PLCB1: variants seen among roughly 807,000 people sequenced by gnomAD.
PLCB1 encodes phospholipase C beta 1.
In PLCB1, 46 loss-of-function variants were observed where a neutral mutation model predicts 161.8. That is an observed-to-expected ratio of 0.28 (90% confidence interval 0.22 to 0.36). PLCB1 has a LOEUF of 0.36. PLCB1 is among the 10% of genes least tolerant of loss of function. PLCB1 has a pLI of 1.00. For missense variants in PLCB1, 1,016 were observed against 1,472.5 expected (o/e 0.69, Z 5.07); for synonymous variants, 517 against 503.7 (o/e 1.03, Z -0.35).
At chr20:8,573,673 T>C (rs1986593200) in intron 3 of PLCB1, among the ~76,000 whole-genome samples, 1 of 152,212 alleles carries the variant, frequency 6.6e-6, no homozygotes. Context: ...CTAAATGACT[T>C]TGGCTTTCAC....
intron 3 of PLCB1, among the ~76,000 whole-genome samples, chr20:8,627,920 A>G (rs1170040140): frequency 6.6e-6 from 1 of 152,168 alleles, no homozygotes; most frequent in Non-Finnish European, 1.5e-5. Context: ...TTTCAGAATA[A>G]CCACCTTCTT....
chr20:8,304,583 C>A (rs1346514543), intron 2 of PLCB1, among the ~76,000 whole-genome samples: 1 of 151,764 alleles, frequency 6.6e-6, no homozygotes, highest in Non-Finnish European at 1.5e-5. Flanking sequence ...CCCTGAGGGG[C>A]CTCTTCTGTG....
intron 3 of PLCB1, among the ~76,000 whole-genome samples, chr20:8,423,830 A>T (rs921449650): frequency 6.6e-6 from 1 of 152,204 alleles, no homozygotes; most frequent in Non-Finnish European, 1.5e-5. Flanking sequence ...TTCAAATTTC[A>T]TGAGGCAGGG....
chr20:8,718,667 A>G (rs1979466281), intron 14 of PLCB1, among the ~76,000 whole-genome samples: 2 of 152,212 alleles, frequency 1.3e-5, no homozygotes. Flanking sequence ...TCCCATGTCA[A>G]GGTCTTTAAC....
In PLCB1 at chr20:8,737,212, T is replaced by C; in HGVS notation, c.2208+20T>C. On this transcript the variant is annotated intron_variant, in intron 20 of 31. Coordinates refer to ENST00000338037, the MANE Select transcript of PLCB1 (RefSeq NM_015192.4). ...AAAAAGGTTGGTCACATGTTCTTGA[T>C]ATGAGTTATAACTGCATTTTTCAGG... The C allele has an allele frequency of 1.3e-6, 2 of 1,598,342 alleles. No homozygotes were observed. Among genetic ancestry groups the C allele is most frequent in the Non-Finnish European group, 8.6e-7 (1 of 1,166,426 alleles).
At chr20:8,713,680 GTAACCACCATGGTTTAT>G (rs1254376777) in intron 12 of PLCB1, among the ~76,000 whole-genome samples, 1 of 152,166 alleles carries the variant, frequency 6.6e-6, no homozygotes, top group Non-Finnish European at 1.5e-5. Flanking sequence ...GAGCTAAGCT[GTAACCACCATGGTTTAT>G]TAACCACCTG....
chr20:8,521,746 A>C (rs1048056535), intron 3 of PLCB1, among the ~76,000 whole-genome samples: 7 of 152,228 alleles, frequency 4.6e-5, no homozygotes, highest in African/African-American at 1.7e-4. Flanking sequence ...TGCTAGTTCA[A>C]ATACATTGGT....
At chr20:8,512,955 C>T (rs1983954621) in intron 3 of PLCB1, among the ~76,000 whole-genome samples, 1 of 152,156 alleles carries the variant, frequency 6.6e-6, no homozygotes, top group Admixed American at 6.5e-5. Flanking sequence ...ACCTCCCACC[C>T]TCTCCCAACG....
chr20:8,541,452 G>A (rs1985311349), intron 3 of PLCB1, among the ~76,000 whole-genome samples: 1 of 152,136 alleles, frequency 6.6e-6, no homozygotes, highest in African/African-American at 2.4e-5. Flanking sequence ...GCACATGGAA[G>A]TTCTCTGTGT....
At chr20:8,142,290 G>A (rs1454508521) in intron 1 of PLCB1, among the ~76,000 whole-genome samples, 3 of 152,084 alleles carry the variant, frequency 2.0e-5, no homozygotes, top group African/African-American at 7.2e-5. Flanking sequence ...TGACCTTTGA[G>A]GTGTTGTGTT....
intron 24 of PLCB1, among the ~76,000 whole-genome samples, chr20:8,757,739 G>A (rs1453428207): frequency 6.6e-6 from 1 of 151,988 alleles, no homozygotes; most frequent in Non-Finnish European, 1.5e-5. Context: ...CTTATTGAAG[G>A]CCACAGTGCC....
chr20:8,446,709 A>C (rs1030540212), intron 3 of PLCB1, among the ~76,000 whole-genome samples: 5 of 152,210 alleles, frequency 3.3e-5, no homozygotes, highest in African/African-American at 1.2e-4. Context: ...AGGAACACAT[A>C]GGAAAAATCA....
At chr20:8,315,787 G>C (rs1260965305) in intron 2 of PLCB1, among the ~76,000 whole-genome samples, 1 of 152,162 alleles carries the variant, frequency 6.6e-6, no homozygotes, top group African/African-American at 2.4e-5. Flanking sequence ...AAAGAAGCCT[G>C]AGTGTTTGCC....
At chr20:8,721,685 A>G (rs538726396) in intron 14 of PLCB1, among the ~76,000 whole-genome samples, 1 of 152,196 alleles carries the variant, frequency 6.6e-6, no homozygotes, top group Non-Finnish European at 1.5e-5. Flanking sequence ...TACGATATGC[A>G]CTTCGTTGTG....
chr20:8,360,382 G>T (rs1986496891), intron 2 of PLCB1, among the ~76,000 whole-genome samples: 1 of 152,190 alleles, frequency 6.6e-6, no homozygotes, highest in Non-Finnish European at 1.5e-5. Flanking sequence ...AGAGGTTCCT[G>T]CAGGAGCTTT....
chr20:8,287,746 C>T (rs1041546701), intron 2 of PLCB1, among the ~76,000 whole-genome samples: 8 of 152,274 alleles, frequency 5.3e-5, no homozygotes, highest in Middle Eastern at 3.4e-3. Context: ...ATGGCATTTA[C>T]ATGTGACAAT....
At position 8,150,436 on chromosome 20, in the gene PLCB1, T is replaced by G. The variant is rs1271535033; in HGVS notation, c.177+65T>G. Reference sequence around the variant, plus strand: ...TTTACTACTTTGAAAAGTATTTATGTATCTTATCTATAGAAGAACATCCAT... The same window carrying G: ...TTTACTACTTTGAAAAGTATTTATGGATCTTATCTATAGAAGAACATCCAT... On this transcript the variant is annotated intron_variant, in intron 2 of 31. Coordinates refer to ENST00000338037, the MANE Select transcript of PLCB1 (RefSeq NM_015192.4). 6 of 678,934 alleles carry G rather than the reference T, an allele frequency of 8.8e-6. No homozygotes were observed. In the South Asian group the frequency reaches 1.2e-4, roughly 14 times the overall value. The allele number at this position is 678,934 out of a possible 1,614,324, so 42.1% of individuals were successfully genotyped here.
intron 3 of PLCB1, among the ~76,000 whole-genome samples, chr20:8,541,445 C>T (rs1265493606): frequency 1.3e-5 from 2 of 152,072 alleles, no homozygotes; most frequent in South Asian, 2.1e-4. Flanking sequence ...CTTCTGGGCA[C>T]ATGGAAGTTC....
intron 1 of PLCB1, among the ~76,000 whole-genome samples, chr20:8,147,554 A>C (rs950388026): frequency 6.6e-6 from 1 of 152,204 alleles, no homozygotes; most frequent in Admixed American, 6.5e-5. Flanking sequence ...ACTAGCAGCT[A>C]TGTGGGAGGT....
Sources: allele counts gnomAD v4.1 joint callset (sites outside exome capture counted in the v4.1 genomes callset), GRCh38; gene constraint gnomAD v4.1.1; transcripts MANE v1.5; gene names NCBI Gene and HGNC (gene_info 2026-07-23, HGNC 2026-07-21).